GPC5: variants seen among roughly 807,000 people sequenced by gnomAD.
The protein encoded by GPC5 is glypican-5.
Under a neutral mutation model 53.9 loss-of-function variants are expected in GPC5, and 47 were observed. That is an observed-to-expected ratio of 0.87 (90% CI 0.69 to 1.11). The LOEUF (loss-of-function observed/expected upper bound fraction) is 1.11, where lower values mean the gene tolerates loss of function less well. Among genes scored for constraint, GPC5 ranks in the 50% most tolerant of loss-of-function variants. The pLI is 0.00. For missense variants in GPC5, 748 were observed against 713.1 expected (o/e 1.05, Z -0.56); for synonymous variants, 286 against 263.3 (o/e 1.09, Z -0.84).
Position 92,537,831 on chromosome 13 carries a change from A to G in GPC5, c.1562-328451A>G, listed in dbSNP as rs575563390. On this transcript the variant is annotated intron_variant, in intron 7 of 7. Coordinates refer to ENST00000377067, the MANE Select transcript of GPC5 (RefSeq NM_004466.6). ...CATGAGGAAGGCGTTTTATAAATCC[A>G]ATCAATTATAAAGACACTGAATAAA... 1.4e-4 allele frequency among the ~76,000 whole-genome samples: 21 copies of G among 152,210 alleles called. No homozygotes were observed. In the South Asian group the frequency reaches 4.1e-3, roughly 30 times the overall value.
At chr13:92,204,409 A>C (rs918310936) in intron 7 of GPC5, among the ~76,000 whole-genome samples, 1 of 152,194 alleles carries the variant, frequency 6.6e-6, no homozygotes, top group Non-Finnish European at 1.5e-5. Flanking sequence ...AATATTGATT[A>C]ATGTTTGCCA....
chr13:92,057,594 A>G (rs535303008), intron 6 of GPC5, among the ~76,000 whole-genome samples: 100 of 151,594 alleles, frequency 6.6e-4, no homozygotes, highest in African/African-American at 2.2e-3. Flanking sequence ...TTTTTAATCT[A>G]TTTTGAAATG....
At chr13:92,442,230 C>A (rs1356807103) in intron 7 of GPC5, among the ~76,000 whole-genome samples, 1 of 152,170 alleles carries the variant, frequency 6.6e-6, no homozygotes, top group African/African-American at 2.4e-5. Flanking sequence ...GATGATTCTT[C>A]TGGATACCCC....
At chr13:92,733,498 C>T (rs1888861543) in intron 7 of GPC5, among the ~76,000 whole-genome samples, 1 of 151,666 alleles carries the variant, frequency 6.6e-6, no homozygotes, top group African/African-American at 2.4e-5. Flanking sequence ...GTGGGTTAGA[C>T]GTTTTCTGAG....
chr13:92,110,157 T>C (rs7990039), intron 6 of GPC5, among the ~76,000 whole-genome samples: 17 of 152,184 alleles, frequency 1.1e-4, no homozygotes, highest in African/African-American at 3.4e-4. Context: ...ATTTGAAGAA[T>C]AGGGAAAAAC....
intron 6 of GPC5, among the ~76,000 whole-genome samples, chr13:91,984,837 T>C (rs920445821): frequency 2.0e-5 from 3 of 152,226 alleles, no homozygotes; most frequent in Admixed American, 2.0e-4. Context: ...ACAGAGAACA[T>C]ATTCTCCGTG....
At chr13:91,643,083 G>A (rs2182542) in intron 2 of GPC5, among the ~76,000 whole-genome samples, 131,785 of 152,098 alleles carry the variant, frequency 0.87, 57,229 homozygotes, top group East Asian at 0.99. Context: ...GTATACCATA[G>A]GCTGAGCATG....
intron 2 of GPC5, among the ~76,000 whole-genome samples, chr13:91,511,476 C>T (rs1885226178): frequency 6.6e-6 from 1 of 151,906 alleles, no homozygotes; most frequent in South Asian, 2.1e-4. Flanking sequence ...CCCTTTGCAC[C>T]AATTACAAGT....
intron 7 of GPC5, among the ~76,000 whole-genome samples, chr13:92,147,065 G>A (rs1384040854): frequency 1.3e-5 from 2 of 151,904 alleles, no homozygotes; most frequent in Non-Finnish European, 2.9e-5. Context: ...TCATGAAATT[G>A]TGTCATTAAA....
At chr13:92,584,748 C>T (rs532045900) in intron 7 of GPC5, among the ~76,000 whole-genome samples, 4 of 152,168 alleles carry the variant, frequency 2.6e-5, no homozygotes, top group Non-Finnish European at 4.4e-5. Flanking sequence ...AAAATGGTTT[C>T]CTGGGCCAGG....
At chr13:92,331,361 G>T (rs1328827662) in intron 7 of GPC5, among the ~76,000 whole-genome samples, 1 of 151,952 alleles carries the variant, frequency 6.6e-6, no homozygotes, top group African/African-American at 2.4e-5. Flanking sequence ...CTCTCATCTG[G>T]GTCTTCTCTT....
chr13:92,300,477 G>T (rs1053781489), intron 7 of GPC5, among the ~76,000 whole-genome samples: 1 of 152,158 alleles, frequency 6.6e-6, no homozygotes, highest in African/African-American at 2.4e-5. Flanking sequence ...TGACACTGAT[G>T]TTGCTATTTC....
intron 2 of GPC5, among the ~76,000 whole-genome samples, chr13:91,520,393 A>G (rs948567797): frequency 2.0e-5 from 3 of 152,202 alleles, no homozygotes; most frequent in African/African-American, 7.2e-5. Context: ...GACATGATTG[A>G]CATTTAAATC....
At chr13:92,557,230 T>C (rs963353611) in intron 7 of GPC5, among the ~76,000 whole-genome samples, 3 of 151,878 alleles carry the variant, frequency 2.0e-5, no homozygotes, top group Admixed American at 6.6e-5. Context: ...CAATCCAGCT[T>C]GATCAGTGAT....
intron 6 of GPC5, among the ~76,000 whole-genome samples, chr13:92,023,934 A>G (rs1219815008): frequency 6.6e-6 from 1 of 152,126 alleles, no homozygotes; most frequent in Non-Finnish European, 1.5e-5. Flanking sequence ...TGTTTTAAAA[A>G]TTAAGTTGAT....
chr13:92,259,864 G>C, intron 7 of GPC5, among the ~76,000 whole-genome samples: 1 of 152,114 alleles, frequency 6.6e-6, no homozygotes, highest in East Asian at 1.9e-4. Flanking sequence ...GGCTGTTCAG[G>C]CTCTATCACC....
intron 7 of GPC5, among the ~76,000 whole-genome samples, chr13:92,213,402 T>A (rs1166322599): frequency 1.3e-5 from 2 of 152,138 alleles, no homozygotes; most frequent in Non-Finnish European, 2.9e-5. Flanking sequence ...AAAGAATGCC[T>A]TGTAACAGAA....
At chr13:92,664,081 A>T (rs2139192675) in intron 7 of GPC5, among the ~76,000 whole-genome samples, 1 of 151,732 alleles carries the variant, frequency 6.6e-6, no homozygotes, top group East Asian at 2.0e-4. Flanking sequence ...AAAACAAAAA[A>T]AGATGGCAAA....
intron 7 of GPC5, among the ~76,000 whole-genome samples, chr13:92,465,151 A>C (rs1443952720): frequency 6.6e-6 from 1 of 152,060 alleles, no homozygotes; most frequent in Non-Finnish European, 1.5e-5. Flanking sequence ...TAAAGTGATC[A>C]ACTCTAAACA....
Sources: gnomAD v4.1 joint callset for allele counts (sites outside exome capture counted in the v4.1 genomes callset) on GRCh38, gnomAD v4.1.1 for gene constraint, MANE v1.5 for transcripts, NCBI Gene and HGNC (gene_info 2026-07-23, HGNC 2026-07-21) for gene names.